FYN: variants seen among roughly 807,000 people sequenced by gnomAD.
FYN encodes FYN proto-oncogene, Src family tyrosine kinase, also known as tyrosine-protein kinase Fyn.
In FYN, 10 loss-of-function variants were observed where a neutral mutation model predicts 70.2. The ratio of observed to expected loss-of-function variants is 0.14; its 90% CI spans 0.09 to 0.24. The LOEUF (loss-of-function observed/expected upper bound fraction) is 0.24. Among genes scored for constraint, FYN ranks in the 10% least tolerant of loss-of-function variants. The probability of loss-of-function intolerance (pLI) is 1.00; values close to 1 mark genes in which losing one functional copy is unlikely to be tolerated. For missense variants in FYN, 319 were observed against 673.1 expected (o/e 0.47, Z 5.82); for synonymous variants, 236 against 248.6 (o/e 0.95, Z 0.48).
chr6:111,817,897 A>T (rs972049731), intron 2 of FYN, among the ~76,000 whole-genome samples: 6 of 152,204 alleles, frequency 3.9e-5, no homozygotes, highest in African/African-American at 9.6e-5. Flanking sequence ...CCACTGGGGC[A>T]CTGTCTGGTT....
At chr6:111,752,307 C>G (rs527311815) in intron 3 of FYN, among the ~76,000 whole-genome samples, 1 of 152,266 alleles carries the variant, frequency 6.6e-6, no homozygotes, top group South Asian at 2.1e-4. Flanking sequence ...ATGCTCAGCC[C>G]TTGGTGAATT....
At chr6:111,818,948 C>T (rs577915430) in intron 2 of FYN, among the ~76,000 whole-genome samples, 16 of 152,324 alleles carry the variant, frequency 1.1e-4, no homozygotes, top group African/African-American at 3.8e-4. Flanking sequence ...CCCATTCAGA[C>T]TTGGTGGCTC....
intron 2 of FYN, among the ~76,000 whole-genome samples, chr6:111,791,008 A>AT (rs1226672329): frequency 3.3e-5 from 5 of 151,960 alleles, no homozygotes; most frequent in African/African-American, 1.2e-4. Flanking sequence ...CTGAACCACC[A>AT]ATTTTTTTTG....
Position 111,691,779 on chromosome 6 carries a change from ATCTT to A in FYN, c.1273+2592_1273+2595del, listed in dbSNP as rs560706414. Among the ~76,000 whole-genome samples the A allele has an allele frequency of 9.5e-4, 144 of 152,294 alleles. 1 individual carries two copies. The highest frequency in any genetic ancestry group is 3.0e-3 in the African/African-American group (124 of 41,562). On this transcript the variant is annotated intron_variant, in intron 12 of 13. Transcript: ENST00000354650. ...AAGGGATGTATGACTAATCCTCTCT[ATCTT>A]TATTTTCTGTTCTTTTGATCACTGA...
At chr6:111,720,133 G>T in intron 3 of FYN, 71 bp from the exon 4 acceptor site, 2 of 1,499,276 alleles carry the variant, frequency 1.3e-6, no homozygotes, top group South Asian at 1.3e-5. Context: ...TACAGTAAAC[G>T]AGGAGTAATT....
intron 3 of FYN, among the ~76,000 whole-genome samples, chr6:111,720,574 C>T (rs1800885754): frequency 6.6e-6 from 1 of 152,136 alleles, no homozygotes; most frequent in Non-Finnish European, 1.5e-5. Context: ...ATGGGTACCA[C>T]ATCTTCAGGC....
intron 3 of FYN, among the ~76,000 whole-genome samples, chr6:111,765,834 A>G (rs1048108074): frequency 6.6e-6 from 1 of 152,110 alleles, no homozygotes. Flanking sequence ...CGACAGCAGG[A>G]AGGCATCCCA....
intron 1 of FYN, among the ~76,000 whole-genome samples, chr6:111,849,027 T>C (rs763566999): frequency 4.6e-5 from 7 of 152,098 alleles, no homozygotes; most frequent in Non-Finnish European, 8.8e-5. Flanking sequence ...TACAGATATA[T>C]TATATTGATA....
At chr6:111,844,429 A>G (rs1773457434) in intron 2 of FYN, among the ~76,000 whole-genome samples, 1 of 152,224 alleles carries the variant, frequency 6.6e-6, no homozygotes, top group African/African-American at 2.4e-5. Context: ...AGGTAAACAC[A>G]GACAAAAAGA....
intron 5 of FYN, among the ~76,000 whole-genome samples, chr6:111,711,884 A>C (rs1365567479): frequency 6.6e-6 from 1 of 152,204 alleles, no homozygotes; most frequent in Non-Finnish European, 1.5e-5. Flanking sequence ...TGAGAAAGGG[A>C]ATTTTAAAAT....
intron 2 of FYN, among the ~76,000 whole-genome samples, chr6:111,803,478 C>G (rs928555212): frequency 6.6e-6 from 1 of 152,048 alleles, no homozygotes; most frequent in African/African-American, 2.4e-5. Context: ...CTGATCAGAT[C>G]CCAGCCAGTT....
intron 9 of FYN, chr6:111,699,714 C>A (rs1456558916): frequency 3.2e-6 from 5 of 1,564,356 alleles, no homozygotes; most frequent in Non-Finnish European, 4.4e-6. Flanking sequence ...TCCTTATAAT[C>A]CATAATTATG....
chr6:111,811,279 G>A (rs920632501), intron 2 of FYN, among the ~76,000 whole-genome samples: 1 of 152,206 alleles, frequency 6.6e-6, no homozygotes, highest in African/African-American at 2.4e-5. Context: ...TAATTTTACA[G>A]AAGCCATCAA....
intron 2 of FYN, among the ~76,000 whole-genome samples, chr6:111,809,618 T>C (rs2114295695): frequency 6.6e-6 from 1 of 152,344 alleles, no homozygotes; most frequent in Middle Eastern, 3.4e-3. Context: ...CAGCCAGATG[T>C]TGCCATGTCA....
intron 9 of FYN, among the ~76,000 whole-genome samples, chr6:111,698,504 G>T (rs1178887889): frequency 6.6e-6 from 1 of 152,096 alleles, no homozygotes; most frequent in Non-Finnish European, 1.5e-5. Flanking sequence ...GGTACTGATC[G>T]ATATTGTTTT....
intron 13 of FYN, among the ~76,000 whole-genome samples, chr6:111,664,790 G>C (rs1797924450): frequency 6.6e-6 from 1 of 152,198 alleles, no homozygotes. Context: ...AAAGCAAGGG[G>C]AGTATATGAA....
intron 3 of FYN, among the ~76,000 whole-genome samples, chr6:111,753,063 GA>G (rs1450786072): frequency 6.6e-6 from 1 of 152,170 alleles, no homozygotes. Context: ...TATATATATT[GA>G]AATCTCAATA....
At chr6:111,780,318 C>T (rs981703427) in intron 3 of FYN, among the ~76,000 whole-genome samples, 6 of 152,142 alleles carry the variant, frequency 3.9e-5, no homozygotes, top group Admixed American at 1.3e-4. Context: ...AACCGGCATC[C>T]GGAAACTTTT....
chr6:111,825,904 C>T (rs7752077), intron 2 of FYN, among the ~76,000 whole-genome samples: 47,543 of 152,102 alleles, frequency 0.31, 12,158 homozygotes, highest in African/African-American at 0.71. Context: ...TCTGAAATTA[C>T]TGTCACTAGA....
Sources: gnomAD v4.1 joint callset for allele counts (sites outside exome capture counted in the v4.1 genomes callset) on GRCh38, gnomAD v4.1.1 for gene constraint, MANE v1.5 for transcripts, NCBI Gene and HGNC (gene_info 2026-07-23, HGNC 2026-07-21) for gene names.